TEX9: variants seen among roughly 807,000 people sequenced by gnomAD.
The protein encoded by TEX9 is testis expressed 9.
TEX9 carries 74 observed loss-of-function variants against 59.6 expected under a neutral mutation model. The observed-to-expected ratio is 1.24, with a 90% CI of 1.03 to 1.51. The LOEUF (loss-of-function observed/expected upper bound fraction) is 1.51. TEX9 is among the 40% of genes most tolerant of loss of function. The pLI, the probability that TEX9 is intolerant of heterozygous loss-of-function variation, is 0.00. For synonymous variants in TEX9, 186 were observed against 152.2 expected (o/e 1.22, Z -1.64); for missense variants, 522 against 447.8 (o/e 1.17, Z -1.49).
At chr15:56,302,237 C>T (rs1422174091) in intron 1 of TEX9, among the ~76,000 whole-genome samples, 1 of 151,924 alleles carries the variant, frequency 6.6e-6, no homozygotes, top group Non-Finnish European at 1.5e-5. Context: ...CCTTTAATCC[C>T]ACCACTTTGT....
In TEX9 at chr15:56,422,635, G is replaced by A. The variant is rs931119938; in HGVS notation, c.964-4970G>A. Among the ~76,000 whole-genome samples the A allele has an allele frequency of 2.7e-4, 41 of 151,760 alleles. 1 individual carries two copies. The highest frequency in any genetic ancestry group is 1.0e-3 in the African/African-American group (41 of 41,166). ...ATGTTTTATCTATAAACTCTACATT[G>A]TTAATTTAAAAATTTTTAATTGTGG... On this transcript the variant is annotated intron_variant, in intron 10 of 12. Transcript: ENST00000352903.
intron 10 of TEX9, among the ~76,000 whole-genome samples, chr15:56,421,125 G>C (rs1198655412): frequency 6.6e-6 from 1 of 151,778 alleles, no homozygotes; most frequent in Non-Finnish European, 1.5e-5. Flanking sequence ...TTCTATCAAT[G>C]ATCAAGAGAG....
chr15:56,434,242 T>C lies in TEX9; in HGVS notation c.*29+5769T>C, dbSNP rs766662682. ...TGTTTCTGAGCATTCATTAATTCTA[T>C]TCGATCATCCTCAGCAAATTTAGCT... On this transcript the variant is annotated intron_variant, in intron 12 of 12. Transcript: ENST00000352903. The C allele has an allele frequency of 2.5e-6, 4 of 1,613,990 alleles. No homozygotes were observed. In the South Asian group the frequency reaches 3.3e-5, roughly 13 times the overall value.
At chr15:56,265,642 A>G (rs569839649) in intron 1 of TEX9, among the ~76,000 whole-genome samples, 2 of 152,286 alleles carry the variant, frequency 1.3e-5, no homozygotes, top group African/African-American at 4.8e-5. Flanking sequence ...AAGAGATTTT[A>G]TAAAAATTTC....
chr15:56,344,941 T>C (rs1218326691), intron 1 of TEX9, among the ~76,000 whole-genome samples: 1 of 151,592 alleles, frequency 6.6e-6, no homozygotes, highest in Non-Finnish European at 1.5e-5. Flanking sequence ...ACTGTTACTA[T>C]TACCCCAACT....
At chr15:56,438,030 G>T (rs1187684934) in intron 12 of TEX9, among the ~76,000 whole-genome samples, 1 of 152,064 alleles carries the variant, frequency 6.6e-6, no homozygotes, top group Non-Finnish European at 1.5e-5. Context: ...CGTGAAAATG[G>T]CCATACTGCC....
chr15:56,368,812 C>T (rs1428183598), intron 2 of TEX9, among the ~76,000 whole-genome samples: 3 of 152,052 alleles, frequency 2.0e-5, no homozygotes, highest in Non-Finnish European at 2.9e-5. Context: ...TTCTATCAAG[C>T]TTCCTGGGAG....
At chr15:56,420,550 C>T (rs1172648751) in intron 10 of TEX9, among the ~76,000 whole-genome samples, 7 of 151,820 alleles carry the variant, frequency 4.6e-5, no homozygotes, top group African/African-American at 1.7e-4. Context: ...TCGTGATCTG[C>T]CCGCTTTGAC....
At chr15:56,312,294 T>A in intron 1 of TEX9, among the ~76,000 whole-genome samples, 1 of 138,464 alleles carries the variant, frequency 7.2e-6, no homozygotes, top group Non-Finnish European at 1.6e-5. Flanking sequence ...CGTTTAAGTC[T>A]TTAATCCATC....
chr15:56,388,572 TA>T (rs779529603), intron 5 of TEX9, 52 bp downstream of exon 5: 4 of 1,501,722 alleles, frequency 2.7e-6, no homozygotes, highest in Non-Finnish European at 3.7e-6. Flanking sequence ...GAACTCCGGA[TA>T]TTTTTTAGAC....
rs530622760 is a variant in TEX9 at position 56,348,155 on chromosome 15, C to T, written c.-106-25286C>T. Among the ~76,000 whole-genome samples, 4 of 152,110 alleles carry T rather than the reference C, an allele frequency of 2.6e-5. No individual in the cohort carries two copies. The South Asian group carries it at 6.2e-4, about 24-fold the overall frequency. The stretch of plus-strand genomic sequence containing the variant: ...AACTGAGTGAAGGTGCATAGAATCT[C>T]TGTATTATTTCTTACAACTCAATGT... On this transcript the variant is annotated intron_variant, in intron 1 of 5. Transcript: ENST00000560827.
At chr15:56,276,361 G>C (rs2044668596) in intron 1 of TEX9, among the ~76,000 whole-genome samples, 1 of 152,014 alleles carries the variant, frequency 6.6e-6, no homozygotes, top group South Asian at 2.1e-4. Flanking sequence ...CCTGGTGTGT[G>C]ATGTTCCCCT....
chr15:56,422,093 AG>A (rs1247189235), intron 10 of TEX9, among the ~76,000 whole-genome samples: 12 of 107,200 alleles, frequency 1.1e-4, no homozygotes, highest in African/African-American at 4.6e-4. Context: ...ACAGTGTAAA[AG>A]TGTTGTGGGG....
intron 10 of TEX9, among the ~76,000 whole-genome samples, chr15:56,422,447 T>C (rs35895864): frequency 0.3 from 46,019 of 151,380 alleles, 7,978 homozygotes; most frequent in Middle Eastern, 0.47. Flanking sequence ...CCATTTTATC[T>C]CCTTTATTAG....
At chr15:56,294,479 A>G (rs997962740) in intron 1 of TEX9, among the ~76,000 whole-genome samples, 1 of 152,228 alleles carries the variant, frequency 6.6e-6, no homozygotes. Flanking sequence ...ACTAATGCAC[A>G]TATTTACATC....
intron 10 of TEX9, among the ~76,000 whole-genome samples, chr15:56,423,254 A>G (rs1440977607): frequency 2.0e-5 from 3 of 152,204 alleles, no homozygotes; most frequent in South Asian, 2.1e-4. Context: ...ACTCTGTCCT[A>G]TAAGTTTTGG....
intron 1 of TEX9, among the ~76,000 whole-genome samples, chr15:56,257,603 CTGTT>C (rs1225229193): frequency 3.3e-5 from 5 of 152,032 alleles, no homozygotes; most frequent in East Asian, 1.9e-4. Context: ...TGAGAAGTGT[CTGTT>C]TGTTTATGTC....
intron 8 of TEX9, 41 bp downstream of exon 8, chr15:56,394,288 G>A (rs553767735): frequency 2.8e-6 from 4 of 1,453,294 alleles, no homozygotes; most frequent in African/African-American, 1.4e-5. Context: ...AATATTCAAA[G>A]ATATTTTAGG....
Position 56,295,391 on chromosome 15 carries a change from G to T in TEX9, c.-107+51113G>T, listed in dbSNP as rs535532249. ...TAACTCACCAAGTATCCTTATGGAG[G>T]TATCACTCTGATGTTCTAACTGGAT... On this transcript the variant is annotated intron_variant, in intron 1 of 5. Transcript: ENST00000560827. Among the ~76,000 whole-genome samples, 8 of 152,298 alleles carry T rather than the reference G, an allele frequency of 5.3e-5. 1 individual carries two copies. The South Asian group carries it at 1.7e-3, about 32-fold the overall frequency.
Sources: allele counts gnomAD v4.1 joint callset (sites outside exome capture counted in the v4.1 genomes callset), GRCh38; gene constraint gnomAD v4.1.1; transcripts MANE v1.5; gene names NCBI Gene and HGNC (gene_info 2026-07-23, HGNC 2026-07-21).